Variants in SGCD observed in about 807,000 individuals in gnomAD.
SGCD encodes the protein delta-sarcoglycan.
A neutral mutation model predicts 36.6 loss-of-function variants in SGCD; 18 were observed. The observed-to-expected ratio is 0.49, with a 90% CI of 0.34 to 0.73. The LOEUF (loss-of-function observed/expected upper bound fraction) is 0.73. SGCD is among the 30% of genes least tolerant of loss of function. SGCD has a pLI of 0.01. For missense variants in SGCD, 387 were observed against 346.7 expected (o/e 1.12, Z -0.92); for synonymous variants, 133 against 130.6 (o/e 1.02, Z -0.12).
intron 1 of SGCD, among the ~76,000 whole-genome samples, chr5:156,095,455 C>T (rs944488810): frequency 4.6e-5 from 7 of 152,170 alleles, no homozygotes; most frequent in South Asian, 2.1e-4. Flanking sequence ...TATTTTTAAC[C>T]TTCTGCTCAC....
intron 3 of SGCD, among the ~76,000 whole-genome samples, chr5:156,253,793 A>G (rs956628386): frequency 2.0e-5 from 3 of 152,314 alleles, no homozygotes; most frequent in Middle Eastern, 3.4e-3. Context: ...GTTCAGGGTC[A>G]TACTCTGAAC....
chr5:156,595,183 G>C, intron 6 of SGCD, 132 bp downstream of exon 6: 4 of 1,070,812 alleles, frequency 3.7e-6, no homozygotes, highest in Non-Finnish European at 5.2e-6. Flanking sequence ...CAAGATAATG[G>C]TATTAGGAGG....
At chr5:156,741,292 G>A (rs1756660979) in intron 7 of SGCD, among the ~76,000 whole-genome samples, 2 of 152,218 alleles carry the variant, frequency 1.3e-5, no homozygotes, top group African/African-American at 2.4e-5. Flanking sequence ...AACAAAAAAT[G>A]AGCCTGAGAC....
At chr5:156,738,179 T>C (rs1222279511) in intron 7 of SGCD, among the ~76,000 whole-genome samples, 6 of 152,218 alleles carry the variant, frequency 3.9e-5, no homozygotes, top group Non-Finnish European at 5.9e-5. Context: ...ATTGAGAAGA[T>C]GGAAATGTAC....
the SGCD span, among the ~76,000 whole-genome samples, chr5:155,754,163 C>A: frequency 1.3e-5 from 2 of 152,190 alleles, no homozygotes; most frequent in Non-Finnish European, 2.9e-5. Context: ...CTTGACCTGG[C>A]AGGGACCTGT....
At chr5:156,639,801 C>T (rs1762961712) in intron 6 of SGCD, among the ~76,000 whole-genome samples, 1 of 152,012 alleles carries the variant, frequency 6.6e-6, no homozygotes, top group Admixed American at 6.6e-5. Flanking sequence ...TTCTGTGTTA[C>T]CCCATTCCTG....
At chr5:156,307,041 CTTTTTTTT>C (rs71577193) in intron 3 of SGCD, among the ~76,000 whole-genome samples, 5 of 124,528 alleles carry the variant, frequency 4.0e-5, no homozygotes, top group African/African-American at 1.2e-4. Context: ...TATAAGTTTT[CTTTTTTTT>C]TTTTTTTTTT....
chr5:156,252,089 G>A (rs926895435), intron 3 of SGCD, among the ~76,000 whole-genome samples: 12 of 148,452 alleles, frequency 8.1e-5, no homozygotes, highest in African/African-American at 2.5e-4. Context: ...TTTTTGAGAC[G>A]GAGTTTCGCT....
chr5:155,887,369 A>G (rs1756029170), intron 1 of SGCD, among the ~76,000 whole-genome samples: 2 of 152,300 alleles, frequency 1.3e-5, no homozygotes, highest in South Asian at 4.1e-4. Flanking sequence ...TACATTTCCA[A>G]CTTTATTACT....
At chr5:155,949,028 A>G (rs1208174316) in intron 1 of SGCD, among the ~76,000 whole-genome samples, 4 of 152,176 alleles carry the variant, frequency 2.6e-5, no homozygotes, top group Non-Finnish European at 5.9e-5. Flanking sequence ...AATGCATACC[A>G]CAGGACTGGG....
At chr5:156,741,436 G>C (rs920086060) in intron 7 of SGCD, among the ~76,000 whole-genome samples, 1 of 152,166 alleles carries the variant, frequency 6.6e-6, no homozygotes, top group Admixed American at 6.5e-5. Context: ...GAAGGAAAGG[G>C]ACCCAGTTTC....
intron 1 of SGCD, among the ~76,000 whole-genome samples, chr5:156,018,952 G>A (rs146192869): frequency 1.9e-4 from 29 of 152,234 alleles, no homozygotes; most frequent in African/African-American, 6.5e-4. Context: ...TATAATTCAA[G>A]AGATTCATTG....
At chr5:155,909,653 TC>T in intron 1 of SGCD, among the ~76,000 whole-genome samples, 1 of 152,262 alleles carries the variant, frequency 6.6e-6, no homozygotes, top group East Asian at 1.9e-4. Context: ...GGAAAGAGCT[TC>T]TGAGATCACT....
intron 1 of SGCD, among the ~76,000 whole-genome samples, chr5:155,905,762 G>A (rs1347417041): frequency 6.6e-6 from 1 of 152,016 alleles, no homozygotes; most frequent in Non-Finnish European, 1.5e-5. Flanking sequence ...GATCTGATGG[G>A]TTTATCAGGG....
At position 156,057,852 on chromosome 5, in the gene SGCD, G is replaced by T. The variant is rs1162228958; in HGVS notation, c.-281-60026G>T. ...GAATGCTAAAAAAAAATCAATCACT[G>T]GTCACTTTTAGTATGATTGGGAACA... is the stretch of plus-strand genomic sequence containing the variant. On this transcript the variant is annotated intron_variant, in intron 1 of 9. Transcript: ENST00000517913. Among the ~76,000 whole-genome samples, 3 of 145,502 alleles carry T rather than the reference G, an allele frequency of 2.1e-5. 1 individual carries two copies. The highest frequency in any genetic ancestry group is 7.4e-5 in the African/African-American group (3 of 40,510).
At chr5:156,415,824 G>A (rs1773000857) in intron 3 of SGCD, among the ~76,000 whole-genome samples, 1 of 152,086 alleles carries the variant, frequency 6.6e-6, no homozygotes, top group African/African-American at 2.4e-5. Context: ...GGGTTAAATA[G>A]GGCAAAACTT....
At chr5:156,548,382 G>A (rs1489107495) in intron 4 of SGCD, among the ~76,000 whole-genome samples, 1 of 152,162 alleles carries the variant, frequency 6.6e-6, no homozygotes, top group Non-Finnish European at 1.5e-5. Context: ...GATAGATTTT[G>A]TTTGGATCAG....
the SGCD span, among the ~76,000 whole-genome samples, chr5:155,734,163 TTATATTA>T: frequency 6.9e-6 from 1 of 144,868 alleles, no homozygotes; most frequent in African/African-American, 2.6e-5. Context: ...GTTACTGTTA[TTATATTA>T]ATTAATAATA....
At chr5:156,667,435 C>A (rs1404799487) in intron 7 of SGCD, among the ~76,000 whole-genome samples, 1 of 152,138 alleles carries the variant, frequency 6.6e-6, no homozygotes, top group Non-Finnish European at 1.5e-5. Context: ...TCCCTTTCCC[C>A]ACACACCCCA....
Sources: gnomAD v4.1 joint callset for allele counts (sites outside exome capture counted in the v4.1 genomes callset) on GRCh38, gnomAD v4.1.1 for gene constraint, MANE v1.5 for transcripts, NCBI Gene and HGNC (gene_info 2026-07-23, HGNC 2026-07-21) for gene names.